MBD5: variants seen among roughly 807,000 people sequenced by gnomAD.
MBD5 encodes methyl-CpG-binding domain protein 5.
A neutral mutation model predicts 117.3 loss-of-function variants in MBD5; 13 were observed. That is an observed-to-expected ratio of 0.11 (90% CI 0.07 to 0.18). The LOEUF is 0.18. Among genes scored for constraint, MBD5 ranks in the 10% least tolerant of loss-of-function variants. MBD5 has a pLI of 1.00. For synonymous variants in MBD5, 727 were observed against 766.4 expected, an observed-to-expected ratio of 0.95 and a Z score of 0.85; for missense variants, 1,879 against 2,093.8, an observed-to-expected ratio of 0.90 and a Z score of 2.00.
intron 7 of MBD5, among the ~76,000 whole-genome samples, chr2:148,464,875 G>A (rs1212817369): frequency 6.6e-6 from 1 of 151,404 alleles, no homozygotes; most frequent in African/African-American, 2.4e-5. Context: ...GAAGGCTGAG[G>A]TGGGAGATCT....
At chr2:148,341,066 C>T (rs1702932817) in intron 3 of MBD5, among the ~76,000 whole-genome samples, 2 of 152,078 alleles carry the variant, frequency 1.3e-5, no homozygotes, top group Middle Eastern at 3.4e-3. Context: ...TGTGAGACCC[C>T]ACTTGAAAGT....
intron 2 of MBD5, among the ~76,000 whole-genome samples, chr2:148,195,412 T>A (rs1406125910): frequency 6.6e-6 from 1 of 152,172 alleles, no homozygotes; most frequent in Non-Finnish European, 1.5e-5. Flanking sequence ...AAGCAAAAAC[T>A]GGTAAGAGTT....
intron 1 of MBD5, among the ~76,000 whole-genome samples, chr2:148,114,866 A>C (rs1032000532): frequency 6.6e-6 from 1 of 152,114 alleles, no homozygotes; most frequent in Non-Finnish European, 1.5e-5. Flanking sequence ...TGCTGATTCT[A>C]ATAACGAAAA....
At chr2:148,135,207 T>G (rs1697143305) in intron 1 of MBD5, among the ~76,000 whole-genome samples, 1 of 152,210 alleles carries the variant, frequency 6.6e-6, no homozygotes, top group African/African-American at 2.4e-5. Flanking sequence ...CCAAAATATG[T>G]CCGGTTGTAT....
intron 1 of MBD5, among the ~76,000 whole-genome samples, chr2:148,151,043 GT>G (rs1485010690): frequency 2.7e-5 from 4 of 148,222 alleles, no homozygotes; most frequent in Non-Finnish European, 4.5e-5. Context: ...AATGCTTCCA[GT>G]TTTTGCCCAT....
intron 1 of MBD5, among the ~76,000 whole-genome samples, chr2:148,043,227 C>CA (rs941946422): frequency 2.6e-5 from 4 of 151,326 alleles, no homozygotes; most frequent in Admixed American, 2.0e-4. Flanking sequence ...AGATTGAGAC[C>CA]ATCCTGGCTA....
At chr2:148,032,396 G>C (rs558485400) in intron 1 of MBD5, among the ~76,000 whole-genome samples, 2 of 152,188 alleles carry the variant, frequency 1.3e-5, no homozygotes, top group South Asian at 2.1e-4. Flanking sequence ...GCGATCAAGA[G>C]GAATTTTTTT....
chr2:148,483,447 G>A lies in MBD5; in HGVS notation c.2856G>A (p.Glu952=). The A allele has an allele frequency of 6.2e-6, 10 of 1,614,030 alleles. No individual in the cohort carries two copies. The highest frequency in any genetic ancestry group is 8.5e-6 in the Non-Finnish European group (10 of 1,179,970). Residue 952 remains glutamate, a synonymous_variant, in exon 9 of 14, where the codon GAG becomes GAA. Coordinates refer to ENST00000642680, the MANE Select transcript of MBD5 (RefSeq NM_001378120.1). ...CTTCAGCAGGAGAAGGCAAGTCTGA[G>A]ATCAACCTCCACCCTTTAGGTTTTC... ...LQPSAGEGKS[E]INLHPLGFLN... is the part of the protein sequence containing the mutation.
chr2:148,151,347 T>C (rs1697657798), intron 1 of MBD5, among the ~76,000 whole-genome samples: 1 of 151,848 alleles, frequency 6.6e-6, no homozygotes. Flanking sequence ...GGTTTGCCAG[T>C]ATTTTATTGA....
chr2:148,348,987 G>C (rs1263216782), intron 4 of MBD5, among the ~76,000 whole-genome samples: 1 of 151,878 alleles, frequency 6.6e-6, no homozygotes, highest in African/African-American at 2.4e-5. Context: ...AGAAACAGGA[G>C]GAAGGAAGGG....
At chr2:148,320,798 G>T (rs1371730149) in intron 3 of MBD5, among the ~76,000 whole-genome samples, 1 of 152,126 alleles carries the variant, frequency 6.6e-6, no homozygotes, top group East Asian at 1.9e-4. Flanking sequence ...GCATATAGTT[G>T]TTCATAATAG....
At chr2:148,325,276 A>T (rs370053876) in intron 3 of MBD5, among the ~76,000 whole-genome samples, 1 of 152,072 alleles carries the variant, frequency 6.6e-6, no homozygotes, top group Non-Finnish European at 1.5e-5. Context: ...TGTTCATCAA[A>T]GATATTGGTC....
At chr2:148,504,403 G>T (rs1681966138) in intron 12 of MBD5, among the ~76,000 whole-genome samples, 1 of 152,172 alleles carries the variant, frequency 6.6e-6, no homozygotes, top group Admixed American at 6.5e-5. Context: ...GCCATTTGCA[G>T]ATGCGGACAC....
chr2:148,031,696 C>T (rs1254843175), intron 1 of MBD5, among the ~76,000 whole-genome samples: 1 of 152,008 alleles, frequency 6.6e-6, no homozygotes, highest in East Asian at 1.9e-4. Flanking sequence ...TGAATAGGTC[C>T]TTGCAATTAT....
intron 4 of MBD5, among the ~76,000 whole-genome samples, chr2:148,363,524 C>A (rs1304838272): frequency 6.6e-6 from 1 of 152,150 alleles, no homozygotes; most frequent in East Asian, 1.9e-4. Flanking sequence ...TGAGCCACCA[C>A]ACGCAGCCTC....
At chr2:148,497,786 TAAA>T (rs35423029) in intron 11 of MBD5, among the ~76,000 whole-genome samples, 4 of 124,436 alleles carry the variant, frequency 3.2e-5, no homozygotes, top group Non-Finnish European at 3.5e-5. Context: ...ACCTTGTCTC[TAAA>T]AAAAAAAAAA....
At chr2:148,480,221 A>G (rs183056960) in intron 8 of MBD5, among the ~76,000 whole-genome samples, 67 of 152,248 alleles carry the variant, frequency 4.4e-4, no homozygotes, top group African/African-American at 1.6e-3. Flanking sequence ...GCAAAAATAC[A>G]CCCAGAGTAT....
chr2:148,043,168 G>A (rs1177626485), intron 1 of MBD5, among the ~76,000 whole-genome samples: 1 of 151,822 alleles, frequency 6.6e-6, no homozygotes, highest in East Asian at 1.9e-4. Flanking sequence ...GCTCACACCT[G>A]TAATCCCAGC....
intron 1 of MBD5, among the ~76,000 whole-genome samples, chr2:148,150,998 G>A (rs1193157392): frequency 4.0e-5 from 6 of 150,618 alleles, no homozygotes; most frequent in Non-Finnish European, 8.9e-5. Context: ...AGTGGTGAGA[G>A]AGGGCATCCC....
Sources: allele counts gnomAD v4.1 joint callset (sites outside exome capture counted in the v4.1 genomes callset), GRCh38; gene constraint gnomAD v4.1.1; transcripts MANE v1.5; gene names NCBI Gene and HGNC (gene_info 2026-07-23, HGNC 2026-07-21).